The following VPS41 variants were observed in gnomAD, a reference collection of about 807,000 sequenced individuals.
VPS41 encodes VPS41 subunit of HOPS complex.
In VPS41, 85 loss-of-function variants were observed where a neutral mutation model predicts 130.9. The observed-to-expected ratio is 0.65, with a 90% CI of 0.55 to 0.78. VPS41 has a LOEUF of 0.78. VPS41 is among the 30% of genes least tolerant of loss of function. The pLI is 0.00. For synonymous variants in VPS41, 335 were observed against 332.9 expected (o/e 1.01, Z -0.07); for missense variants, 874 against 1,018.7 (o/e 0.86, Z 1.93).
intron 22 of VPS41, among the ~76,000 whole-genome samples, chr7:38,748,958 T>C (rs1380624855): frequency 6.6e-6 from 1 of 151,996 alleles, no homozygotes; most frequent in African/African-American, 2.4e-5. Flanking sequence ...AGAGATTAAA[T>C]AAAACAATAT....
At chr7:38,765,369 C>G (rs1292060965) in intron 16 of VPS41, among the ~76,000 whole-genome samples, 1 of 151,258 alleles carries the variant, frequency 6.6e-6, no homozygotes, top group Non-Finnish European at 1.5e-5. Flanking sequence ...GATAAGTGAA[C>G]ACATTGTATA....
At chr7:38,889,412 C>A (rs758997703) in intron 2 of VPS41, among the ~76,000 whole-genome samples, 1 of 151,082 alleles carries the variant, frequency 6.6e-6, no homozygotes. Context: ...CATTTCTTAC[C>A]GGAAACACCA....
intron 4 of VPS41, chr7:38,831,353 C>T (rs750156534): frequency 2.4e-6 from 1 of 419,080 alleles, no homozygotes; most frequent in South Asian, 1.8e-5. Flanking sequence ...AATTAAAATT[C>T]GATAAATCAG....
intron 4 of VPS41, among the ~76,000 whole-genome samples, chr7:38,846,443 G>A (rs972439827): frequency 1.3e-5 from 2 of 152,182 alleles, no homozygotes; most frequent in African/African-American, 4.8e-5. Context: ...CCGATAATTT[G>A]CGTACGCAAA....
intron 1 of VPS41, among the ~76,000 whole-genome samples, chr7:38,903,268 C>G (rs1360251640): frequency 1.3e-5 from 2 of 152,280 alleles, no homozygotes; most frequent in South Asian, 4.1e-4. Flanking sequence ...AGCATAGAAC[C>G]CTATGACAAT....
Position 38,772,599 on chromosome 7 carries a change from G to A in VPS41, c.1051C>T (p.Pro351Ser). ...EGESLFYIVSPRDVVVAKERD... is the reference protein window; with the variant it reads ...EGESLFYIVSSRDVVVAKERD... ...TCCTTGGCCACTACAACATCTCTCG[G>A]ACTCACGATGTAAAAAAGTGATTCC... The change falls in exon 13 of 29, where the codon CCG (proline) becomes TCG (serine). Residue 351 changes from proline to serine, a missense_variant. Transcript: ENST00000310301. 2 of 1,613,306 alleles carry A rather than the reference G, an allele frequency of 1.2e-6. No individual in the cohort carries two copies. The highest frequency in any genetic ancestry group is 8.5e-7 in the Non-Finnish European group (1 of 1,179,538).
At chr7:38,888,420 G>A (rs981464270) in intron 2 of VPS41, among the ~76,000 whole-genome samples, 1 of 152,118 alleles carries the variant, frequency 6.6e-6, no homozygotes, top group African/African-American at 2.4e-5. Context: ...AAGATCAAAA[G>A]AGACAAAGCA....
intron 1 of VPS41, among the ~76,000 whole-genome samples, chr7:38,903,187 A>T (rs1255666957): frequency 3.3e-5 from 5 of 152,196 alleles, no homozygotes; most frequent in Admixed American, 2.0e-4. Context: ...CAATTCCAAC[A>T]ATTCCTTGGG....
intron 2 of VPS41, among the ~76,000 whole-genome samples, chr7:38,896,213 C>T (rs972864336): frequency 6.6e-6 from 1 of 152,220 alleles, no homozygotes. Context: ...AGAGTTCCAG[C>T]ACTGTCTGAT....
chr7:38,800,284 CA>C (rs1221929589), intron 7 of VPS41, among the ~76,000 whole-genome samples: 1 of 152,048 alleles, frequency 6.6e-6, no homozygotes, highest in Non-Finnish European at 1.5e-5. Flanking sequence ...AAATAGTATT[CA>C]ATACAATGTC....
At position 38,764,317 on chromosome 7, in the gene VPS41, G is replaced by A. The variant is rs576960412; in HGVS notation, c.1330-770C>T. The stretch of plus-strand genomic sequence containing the variant: ...GGAATAGCATGAGCAAAGGCGTGGA[G>A]CCATGAACATGCATCTGTGTGCAGG... On this transcript the variant is annotated intron_variant, in intron 16 of 28. Coordinates refer to ENST00000310301, the MANE Select transcript of VPS41 (RefSeq NM_014396.4). Among the ~76,000 whole-genome samples the A allele has an allele frequency of 2.4e-4, 36 of 152,338 alleles. 1 individual carries two copies. The highest frequency in any genetic ancestry group is 1.5e-3 in the South Asian group (7 of 4,820).
intron 17 of VPS41, among the ~76,000 whole-genome samples, chr7:38,759,299 T>C (rs944490038): frequency 1.3e-5 from 2 of 152,306 alleles, no homozygotes; most frequent in Admixed American, 1.3e-4. Context: ...CAGAACTAAT[T>C]GCTTTCTTGG....
intron 2 of VPS41, among the ~76,000 whole-genome samples, chr7:38,878,758 A>G (rs2116371608): frequency 6.6e-6 from 1 of 152,328 alleles, no homozygotes; most frequent in African/African-American, 2.4e-5. Flanking sequence ...CTTTCAGTAA[A>G]TACAAAGGTT....
At chr7:38,754,874 A>G (rs759476535) in intron 20 of VPS41, 21 bp downstream of exon 20, 1 of 1,612,032 alleles carries the variant, frequency 6.2e-7, no homozygotes, top group Non-Finnish European at 8.5e-7. Context: ...GGTAACACAT[A>G]TAAAAACAAA....
At chr7:38,778,716 T>C (rs60866563) in intron 10 of VPS41, among the ~76,000 whole-genome samples, 7,401 of 152,212 alleles carry the variant, frequency 0.049, 604 homozygotes, top group African/African-American at 0.17. Flanking sequence ...GCTGTGCTTG[T>C]CTGCCACAGA....
At chr7:38,738,409 A>G (rs947941453) in intron 25 of VPS41, among the ~76,000 whole-genome samples, 2 of 152,190 alleles carry the variant, frequency 1.3e-5, no homozygotes, top group Non-Finnish European at 2.9e-5. Context: ...CAAAGATGAT[A>G]TTTCCTACAG....
At chr7:38,753,078 A>T (rs1033507357) in intron 21 of VPS41, among the ~76,000 whole-genome samples, 2 of 152,216 alleles carry the variant, frequency 1.3e-5, no homozygotes, top group African/African-American at 4.8e-5. Flanking sequence ...CTATCAATAC[A>T]GTACTCAGAA....
intron 1 of VPS41, among the ~76,000 whole-genome samples, chr7:38,906,536 G>C (rs1787268542): frequency 6.6e-6 from 1 of 151,914 alleles, no homozygotes; most frequent in Non-Finnish European, 1.5e-5. Context: ...ATAGGGTTTT[G>C]CTATGTTGCC....
In VPS41 at chr7:38,904,580, C is replaced by A. The variant is rs543003731; in HGVS notation, c.21+4574G>T. ...TTAACCTCTGTCTTATTTATACAACCATTTCAACCTAGCCACTTTAACATA... is the reference window on the plus strand; with the variant it reads ...TTAACCTCTGTCTTATTTATACAACAATTTCAACCTAGCCACTTTAACATA... On this transcript the variant is annotated intron_variant, in intron 1 of 28. Transcript: ENST00000310301. Among the ~76,000 whole-genome samples, 22 of 152,284 alleles carry A rather than the reference C, an allele frequency of 1.4e-4. No homozygotes were observed. In the South Asian group the frequency reaches 3.3e-3, roughly 23 times the overall value.
Sources: gnomAD v4.1 joint callset for allele counts (sites outside exome capture counted in the v4.1 genomes callset) on GRCh38, gnomAD v4.1.1 for gene constraint, MANE v1.5 for transcripts, NCBI Gene and HGNC (gene_info 2026-07-23, HGNC 2026-07-21) for gene names.